Variants in ZBTB20 observed in about 807,000 individuals in gnomAD.
The protein encoded by ZBTB20 is zinc finger and BTB domain-containing protein 20.
A neutral mutation model predicts 56.9 loss-of-function variants in ZBTB20; 9 were observed. The ratio of observed to expected loss-of-function variants is 0.16; its 90% confidence interval spans 0.10 to 0.28. The LOEUF (loss-of-function observed/expected upper bound fraction) is 0.28, where lower values mean the gene tolerates loss of function less well. Among genes scored for constraint, ZBTB20 ranks in the 10% least tolerant of loss-of-function variants. ZBTB20 has a pLI of 1.00. For missense variants in ZBTB20, 655 were observed against 1,003.0 expected (o/e 0.65, Z 4.69); for synonymous variants, 417 against 420.7 (o/e 0.99, Z 0.11).
At chr3:114,610,910 G>T (rs2057498315) in intron 6 of ZBTB20, among the ~76,000 whole-genome samples, 2 of 152,160 alleles carry the variant, frequency 1.3e-5, no homozygotes, top group Non-Finnish European at 2.9e-5. Flanking sequence ...GGTTAACCAA[G>T]AAGTTGAATA....
chr3:114,648,504 G>C (rs1188763094), intron 6 of ZBTB20, among the ~76,000 whole-genome samples: 1 of 151,874 alleles, frequency 6.6e-6, no homozygotes, highest in Non-Finnish European at 1.5e-5. Flanking sequence ...CTTAAATTTA[G>C]AAAGTGTCAT....
rs368265564 is a variant in ZBTB20 at position 114,830,384 on chromosome 3, T to TCATG, written c.-416-29214_-416-29211dup. Among the ~76,000 whole-genome samples the TCATG allele has an allele frequency of 3.3e-3, 506 of 152,116 alleles. 3 individuals carry two copies. Among genetic ancestry groups the TCATG allele is most frequent in the African/African-American group, 0.012 (482 of 41,550 alleles). On this transcript the variant is annotated intron_variant, in intron 4 of 11. Coordinates refer to ENST00000675478, the MANE Select transcript of ZBTB20 (RefSeq NM_001348800.3). Reference sequence around the variant, plus strand: ...ACAAGGACTTTTCACTATCCAGGGTTCATGGTTCCTTATCCAAAGGCAATG... The same window carrying TCATG: ...ACAAGGACTTTTCACTATCCAGGGTTCATGCATGGTTCCTTATCCAAAGGCAATG...
chr3:114,611,629 G>A (rs575661775), intron 6 of ZBTB20, among the ~76,000 whole-genome samples: 1 of 152,252 alleles, frequency 6.6e-6, no homozygotes, highest in Admixed American at 6.5e-5. Context: ...TCCTAGGTTG[G>A]ACTAGGATTG....
intron 7 of ZBTB20, among the ~76,000 whole-genome samples, chr3:114,441,693 CT>C: frequency 6.6e-6 from 1 of 152,176 alleles, no homozygotes; most frequent in Non-Finnish European, 1.5e-5. Flanking sequence ...ACGGCAACTG[CT>C]TTGCTCTTTT....
At chr3:114,993,420 T>C (rs946992213) in intron 2 of ZBTB20, among the ~76,000 whole-genome samples, 2 of 151,858 alleles carry the variant, frequency 1.3e-5, no homozygotes, top group South Asian at 4.1e-4. Context: ...AATTACATCA[T>C]TTTGAACTAA....
intron 5 of ZBTB20, among the ~76,000 whole-genome samples, chr3:114,715,247 C>G (rs1578487801): frequency 6.6e-6 from 1 of 152,180 alleles, no homozygotes; most frequent in Non-Finnish European, 1.5e-5. Flanking sequence ...TTATACTTGG[C>G]CATTTCCTGT....
intron 4 of ZBTB20, among the ~76,000 whole-genome samples, chr3:114,875,362 T>C (rs887579471): frequency 4.6e-5 from 7 of 152,220 alleles, no homozygotes; most frequent in Non-Finnish European, 8.8e-5. Context: ...TGAAATCTTT[T>C]CTTTAACTCA....
chr3:114,822,750 T>C (rs2073324138), intron 4 of ZBTB20, among the ~76,000 whole-genome samples: 1 of 152,110 alleles, frequency 6.6e-6, no homozygotes, highest in Non-Finnish European at 1.5e-5. Context: ...AAGTGCTTTG[T>C]ACATAGTAAG....
At chr3:114,540,412 T>A (rs74978753) in intron 6 of ZBTB20, among the ~76,000 whole-genome samples, 2 of 152,102 alleles carry the variant, frequency 1.3e-5, no homozygotes, top group African/African-American at 4.8e-5. Context: ...TGAGAGTATC[T>A]GGTTTGTTAG....
chr3:114,696,897 A>C (rs1385691892), intron 5 of ZBTB20, among the ~76,000 whole-genome samples: 1 of 152,086 alleles, frequency 6.6e-6, no homozygotes, highest in Non-Finnish European at 1.5e-5. Context: ...TCCAGGGAGA[A>C]ATGTGACAGA....
At position 114,321,013 on chromosome 3, in the gene ZBTB20, C is replaced by G. The variant is rs754194001; in HGVS notation, c.*17992G>C. On this transcript the variant is annotated 3_prime_UTR_variant, in exon 12 of 12. Transcript: ENST00000675478. ...GGAAATGAAAACAAAATAAAGTGAACAGGTGGTTGAGCCAGCCAAAGCCTC... is the reference window on the plus strand; with the variant it reads ...GGAAATGAAAACAAAATAAAGTGAAGAGGTGGTTGAGCCAGCCAAAGCCTC... 3 of 152,134 alleles carry G rather than the reference C, an allele frequency of 2.0e-5. No individual in the cohort carries two copies. Among genetic ancestry groups the G allele is most frequent in the Non-Finnish European group, 4.4e-5 (3 of 68,030 alleles). 9.4% of individuals were successfully genotyped at this position (152,134 alleles called of 1,614,324 possible).
intron 6 of ZBTB20, among the ~76,000 whole-genome samples, chr3:114,655,300 C>T (rs1167659503): frequency 7.6e-5 from 10 of 131,844 alleles, no homozygotes; most frequent in Non-Finnish European, 1.1e-4. Flanking sequence ...GGCCAGACTG[C>T]GGACTGCAGT....
At chr3:114,841,395 G>A (rs1326797350) in intron 4 of ZBTB20, among the ~76,000 whole-genome samples, 1 of 152,160 alleles carries the variant, frequency 6.6e-6, no homozygotes, top group Non-Finnish European at 1.5e-5. Flanking sequence ...AGTATGACTA[G>A]AGCATAGAAT....
At chr3:114,638,615 T>G (rs2059399512) in intron 6 of ZBTB20, among the ~76,000 whole-genome samples, 1 of 152,080 alleles carries the variant, frequency 6.6e-6, no homozygotes, top group Non-Finnish European at 1.5e-5. Context: ...ACATCTTGAT[T>G]AAATATGCTA....
chr3:114,787,367 A>ATATATATG (rs1232636680), intron 5 of ZBTB20, among the ~76,000 whole-genome samples: 1 of 121,018 alleles, frequency 8.3e-6, no homozygotes, highest in African/African-American at 4.3e-5. Flanking sequence ...ATATATATAT[A>ATATATATG]TACACACACA....
chr3:114,916,651 C>G lies in ZBTB20; in HGVS notation c.-455-16309G>C, dbSNP rs575476496. Reference sequence around the variant, plus strand: ...TTATTTCTCCCTCATGTTTGAAGGACATTTCACCAGGTATACTATTATAGG... The same window carrying G: ...TTATTTCTCCCTCATGTTTGAAGGAGATTTCACCAGGTATACTATTATAGG... On this transcript the variant is annotated intron_variant, in intron 3 of 11. Coordinates refer to ENST00000675478, the MANE Select transcript of ZBTB20 (RefSeq NM_001348800.3). 9.1e-4 allele frequency among the ~76,000 whole-genome samples: 138 copies of G among 152,192 alleles called. 2 individuals carry two copies. Among genetic ancestry groups the G allele is most frequent in the Admixed American group, 7.7e-3 (117 of 15,288 alleles).
intron 6 of ZBTB20, among the ~76,000 whole-genome samples, chr3:114,513,418 TA>T (rs1268359228): frequency 6.6e-6 from 1 of 152,166 alleles, no homozygotes. Flanking sequence ...TTTAATAAAG[TA>T]AAACCAAATT....
At chr3:114,608,111 C>T (rs1278514107) in intron 6 of ZBTB20, among the ~76,000 whole-genome samples, 3 of 151,944 alleles carry the variant, frequency 2.0e-5, no homozygotes, top group African/African-American at 4.8e-5. Context: ...GAGTAAAAAG[C>T]ATAAGGCAAT....
chr3:114,884,870 G>A (rs1423566029), intron 4 of ZBTB20, among the ~76,000 whole-genome samples: 1 of 152,110 alleles, frequency 6.6e-6, no homozygotes, highest in African/African-American at 2.4e-5. Context: ...AGAAATGATG[G>A]CTCAAAAACC....
Sources: gnomAD v4.1 joint callset for allele counts (sites outside exome capture counted in the v4.1 genomes callset) on GRCh38, gnomAD v4.1.1 for gene constraint, MANE v1.5 for transcripts, NCBI Gene and HGNC (gene_info 2026-07-23, HGNC 2026-07-21) for gene names.